APBA2: variants seen among roughly 807,000 people sequenced by gnomAD.
APBA2 encodes amyloid-beta A4 precursor protein-binding family A member 2.
In APBA2, 30 loss-of-function variants were observed where a neutral mutation model predicts 75.0. The observed-to-expected ratio is 0.40, with a 90% confidence interval of 0.30 to 0.54. The LOEUF is 0.54. Among genes scored for constraint, APBA2 ranks in the 20% least tolerant of loss-of-function variants. The pLI, the probability that APBA2 is intolerant of heterozygous loss-of-function variation, is 0.49. For synonymous variants in APBA2, 444 were observed against 409.6 expected (o/e 1.08, Z -1.01); for missense variants, 801 against 1,016.1 (o/e 0.79, Z 2.88).
chr15:29,049,221 G>A (rs1454407895), intron 3 of APBA2, among the ~76,000 whole-genome samples: 3 of 152,166 alleles, frequency 2.0e-5, no homozygotes, highest in Non-Finnish European at 4.4e-5. Context: ...AGGTTCATTG[G>A]TATGTGGTGT....
chr15:29,038,493 G>A (rs1339898341), intron 3 of APBA2, among the ~76,000 whole-genome samples: 3 of 152,040 alleles, frequency 2.0e-5, no homozygotes, highest in East Asian at 1.9e-4. Context: ...AATCAGCAAC[G>A]CTGCACTTTG....
At chr15:29,038,645 G>T (rs2040864342) in intron 3 of APBA2, among the ~76,000 whole-genome samples, 1 of 150,284 alleles carries the variant, frequency 6.7e-6, no homozygotes, top group African/African-American at 2.5e-5. Context: ...TTCCTATTTG[G>T]CTCTGTCCTA....
intron 1 of APBA2, among the ~76,000 whole-genome samples, chr15:28,886,604 G>A (rs1447213364): frequency 6.6e-6 from 1 of 152,062 alleles, no homozygotes; most frequent in African/African-American, 2.4e-5. Context: ...AAGAGGCGCT[G>A]TGTGGCGGGG....
At position 29,097,568 on chromosome 15, in the gene APBA2, G is replaced by T. The variant is rs1185643021; in HGVS notation, c.1252-922G>T. Among the ~76,000 whole-genome samples, 8 of 152,302 alleles carry T rather than the reference G, an allele frequency of 5.3e-5. No homozygotes were observed. The East Asian group carries it at 1.5e-3, about 29-fold the overall frequency. ...TTGACGGATAAAATTGTATGTATTT[G>T]TTATGTACAACATAATATTTTGGAG... On this transcript the variant is annotated intron_variant, in intron 8 of 14. Transcript: ENST00000683413.
chr15:29,005,622 T>C (rs190252216), intron 3 of APBA2, among the ~76,000 whole-genome samples: 32 of 152,164 alleles, frequency 2.1e-4, no homozygotes, highest in African/African-American at 6.7e-4. Flanking sequence ...TCCAGTGCTT[T>C]GGGAGGCCAA....
At chr15:28,922,559 A>T (rs1273380554) in intron 2 of APBA2, among the ~76,000 whole-genome samples, 1 of 152,126 alleles carries the variant, frequency 6.6e-6, no homozygotes, top group Admixed American at 6.5e-5. Context: ...CAATGGGGCC[A>T]CAGCTGTGTC....
intron 2 of APBA2, among the ~76,000 whole-genome samples, chr15:28,929,741 C>T (rs77673993): frequency 2.6e-5 from 4 of 152,188 alleles, no homozygotes; most frequent in African/African-American, 9.7e-5. Flanking sequence ...TTGCAATAAA[C>T]CAATTTGCCC....
chr15:29,105,869 A>C (rs942321632), intron 11 of APBA2, among the ~76,000 whole-genome samples: 1 of 152,228 alleles, frequency 6.6e-6, no homozygotes, highest in Non-Finnish European at 1.5e-5. Flanking sequence ...TGGCATCTCT[A>C]AAGGGAGCCT....
intron 1 of APBA2, among the ~76,000 whole-genome samples, chr15:28,920,655 T>G (rs933814265): frequency 1.3e-5 from 2 of 152,122 alleles, no homozygotes; most frequent in African/African-American, 4.8e-5. Context: ...AAACACAGAT[T>G]AGAGGAAGTA....
At chr15:29,027,342 T>C (rs964239351) in intron 3 of APBA2, among the ~76,000 whole-genome samples, 3 of 152,232 alleles carry the variant, frequency 2.0e-5, no homozygotes, top group Non-Finnish European at 4.4e-5. Flanking sequence ...TTTCTACTTA[T>C]TGAGCCAATT....
intron 6 of APBA2, among the ~76,000 whole-genome samples, chr15:29,085,169 T>C (rs2043232669): frequency 6.6e-6 from 1 of 152,200 alleles, no homozygotes; most frequent in Non-Finnish European, 1.5e-5. Flanking sequence ...TTACCCTGAA[T>C]ATTGTTCATA....
chr15:28,968,149 G>A (rs1008661612), intron 2 of APBA2, among the ~76,000 whole-genome samples: 5 of 152,220 alleles, frequency 3.3e-5, no homozygotes, highest in Admixed American at 1.3e-4. Flanking sequence ...ATACTCCACC[G>A]TATGTGTAGA....
At chr15:28,984,928 T>C (rs190235518) in intron 2 of APBA2, among the ~76,000 whole-genome samples, 6 of 151,806 alleles carry the variant, frequency 4.0e-5, no homozygotes, top group Middle Eastern at 3.4e-3. Flanking sequence ...TCTCTCTCTC[T>C]CTCTCTCTCC....
At chr15:28,961,218 C>T (rs2036452130) in intron 2 of APBA2, 2 of 152,256 alleles carry the variant, frequency 1.3e-5, no homozygotes, top group South Asian at 4.1e-4. Flanking sequence ...AGTGTGCTGA[C>T]TGACGGAAGC....
At chr15:28,976,128 G>T (rs1260376409) in intron 2 of APBA2, among the ~76,000 whole-genome samples, 1 of 152,144 alleles carries the variant, frequency 6.6e-6, no homozygotes, top group Non-Finnish European at 1.5e-5. Context: ...TGATTCCCAG[G>T]TATGAAATTT....
intron 8 of APBA2, among the ~76,000 whole-genome samples, chr15:29,098,128 C>T (rs1346627256): frequency 2.6e-5 from 4 of 152,110 alleles, no homozygotes; most frequent in African/African-American, 9.7e-5. Context: ...GCAGGTGTCT[C>T]CTAGACACGC....
At chr15:28,981,666 A>G (rs907515069) in intron 2 of APBA2, among the ~76,000 whole-genome samples, 20 of 152,308 alleles carry the variant, frequency 1.3e-4, no homozygotes, top group Middle Eastern at 3.4e-3. Flanking sequence ...TATATTTCCA[A>G]AAGAAAATAA....
intron 14 of APBA2, among the ~76,000 whole-genome samples, 196 bp from the exon 15 acceptor site, chr15:29,116,866 C>T (rs1294644430): frequency 6.6e-6 from 1 of 152,210 alleles, no homozygotes. Flanking sequence ...GGGTGGGGAC[C>T]TGGAGTCTCA....
chr15:29,064,526 G>T (rs1240920935), intron 4 of APBA2, among the ~76,000 whole-genome samples: 1 of 152,214 alleles, frequency 6.6e-6, no homozygotes, highest in African/African-American at 2.4e-5. Flanking sequence ...TTCCAGGACA[G>T]GCTCCAGAGT....
Sources: allele counts gnomAD v4.1 joint callset (sites outside exome capture counted in the v4.1 genomes callset), GRCh38; gene constraint gnomAD v4.1.1; transcripts MANE v1.5; gene names NCBI Gene and HGNC (gene_info 2026-07-23, HGNC 2026-07-21).